Variants in BCL2L13 observed in about 807,000 individuals in gnomAD.
The protein encoded by BCL2L13 is BCL2 like 13, also known as bcl-2-like protein 13.
A neutral mutation model predicts 25.8 loss-of-function variants in BCL2L13; 13 were observed. The ratio of observed to expected loss-of-function variants is 0.50; its 90% confidence interval spans 0.33 to 0.80. BCL2L13 has a LOEUF of 0.80. Ranked by LOEUF, BCL2L13 falls within the 30% of genes least tolerant of loss-of-function variation. The pLI is 0.02. For synonymous variants in BCL2L13, 244 were observed against 230.3 expected, an observed-to-expected ratio of 1.06 and a Z score of -0.54; for missense variants, 504 against 574.9, an observed-to-expected ratio of 0.88 and a Z score of 1.26.
At position 17,702,323 on chromosome 22, in the gene BCL2L13, G is replaced by A. The variant is rs1364976221; in HGVS notation, c.537G>A (p.Leu179=). 6.2e-7 allele frequency: 1 copy of A among 1,612,578 alleles called. No homozygotes were observed. Among genetic ancestry groups the A allele is most frequent in the East Asian group, 2.2e-5 (1 of 44,768 alleles). The change falls in exon 6 of 7, where the codon CTG becomes CTA. Residue 179 remains leucine, a synonymous_variant. Transcript: ENST00000317582. ...GTCAAGAACCTTTGAGCGCACTGCT[G>A]CAGTTTGGCGTGACATACCTGGAGG... The part of the protein sequence containing the change: ...RRGQEPLSAL[L]QFGVTYLEDY...
chr22:17,669,142 C>T (rs1431123996), intron 2 of BCL2L13, among the ~76,000 whole-genome samples: 1 of 150,206 alleles, frequency 6.7e-6, no homozygotes, highest in Non-Finnish European at 1.5e-5. Context: ...ACGCCTTTCT[C>T]CTGCCTCAGC....
At chr22:17,702,002 CACAT>C (rs907059520) in intron 5 of BCL2L13, among the ~76,000 whole-genome samples, 7 of 151,594 alleles carry the variant, frequency 4.6e-5, no homozygotes, top group African/African-American at 1.5e-4. Flanking sequence ...TTCTGTCACA[CACAT>C]ACATGCACAC....
rs772327798 is a variant in BCL2L13 at position 17,727,017 on chromosome 22, A to C, written c.941A>C (p.Glu314Ala). 1.2e-6 allele frequency: 2 copies of C among 1,614,122 alleles called. No individual in the cohort carries two copies. Among genetic ancestry groups the C allele is most frequent in the African/African-American group, 2.7e-5 (2 of 74,956 alleles). ...GACATTGTGCACGTGGAGAAAGAAGAGGTGCCCGAGGGCATGGAAGAGGCT... is the reference window on the plus strand; with the variant it reads ...GACATTGTGCACGTGGAGAAAGAAGCGGTGCCCGAGGGCATGGAAGAGGCT... ...NSDIVHVEKE[E>A]VPEGMEEAAV... The change falls in exon 7 of 7, where the codon GAG becomes GCG. Residue 314 changes from glutamate to alanine, a missense_variant. By Grantham distance (107) the Glu-to-Ala change is moderately radical. Transcript: ENST00000317582.
intron 6 of BCL2L13, among the ~76,000 whole-genome samples, chr22:17,722,376 GGGGTGTGTGTGT>G (rs1202859702): frequency 1.9e-4 from 13 of 67,924 alleles, no homozygotes; most frequent in Admixed American, 8.8e-4. Flanking sequence ...TGAGACTACA[GGGGTGTGTGTGT>G]GTGTGTGTGT....
In BCL2L13 at chr22:17,660,668, G is replaced by A. The variant is rs377546049; in HGVS notation, c.121+4836G>A. Among the ~76,000 whole-genome samples, 131 of 145,706 alleles carry A rather than the reference G, an allele frequency of 9.0e-4. 9 individuals carry two copies. The highest frequency in any genetic ancestry group is 2.9e-3 in the African/African-American group (118 of 41,108). On this transcript the variant is annotated intron_variant, in intron 2 of 6. Coordinates refer to ENST00000317582, the MANE Select transcript of BCL2L13 (RefSeq NM_015367.4). ...TTGAACTCCGGACCTCAAGTGATCCGCTCACCTTGGCCTCCCAAAGTGTTG... is the reference window on the plus strand; with the variant it reads ...TTGAACTCCGGACCTCAAGTGATCCACTCACCTTGGCCTCCCAAAGTGTTG...
chr22:17,668,450 G>A (rs1306200324), intron 2 of BCL2L13, among the ~76,000 whole-genome samples: 2 of 150,192 alleles, frequency 1.3e-5, no homozygotes, highest in Admixed American at 6.6e-5. Context: ...TCTTTGATCT[G>A]TGTTTTTTTT....
chr22:17,691,463 A>C (rs1018694198), intron 4 of BCL2L13, among the ~76,000 whole-genome samples: 1 of 152,076 alleles, frequency 6.6e-6, no homozygotes, highest in South Asian at 2.1e-4. Context: ...TGGCTAACAC[A>C]GTGAAACCCC....
intron 1 of BCL2L13, among the ~76,000 whole-genome samples, chr22:17,643,862 C>T (rs2058378118): frequency 1.3e-5 from 2 of 151,822 alleles, no homozygotes; most frequent in African/African-American, 2.4e-5. Flanking sequence ...ATCCGCCCTC[C>T]TTGGCTTCCC....
intron 6 of BCL2L13, among the ~76,000 whole-genome samples, chr22:17,716,746 A>G (rs1401886957): frequency 6.6e-6 from 1 of 152,154 alleles, no homozygotes; most frequent in Non-Finnish European, 1.5e-5. Context: ...ATGTAGAACT[A>G]CTTTATTTTG....
In BCL2L13 at chr22:17,719,827, C is replaced by CAAA. The variant is rs60474373; in HGVS notation, c.601-6829_601-6827dup. On this transcript the variant is annotated intron_variant, in intron 6 of 6. Transcript: ENST00000317582. ...CTGGCGAAAGAGTGAGACTCCATCT[C>CAAA]AAAAAAAAAAAAAAAAAAAAAAAGA... 4.1e-3 allele frequency among the ~76,000 whole-genome samples: 371 copies of CAAA among 90,810 alleles called. 3 individuals carry two copies. Among genetic ancestry groups the CAAA allele is most frequent in the South Asian group, 6.5e-3 (11 of 1,702 alleles). The allele number at this position is 90,810 out of a possible 152,430, so 59.6% of individuals were successfully genotyped here. A position where few individuals can be genotyped will look rare whatever the true frequency, so the allele number is the denominator to read the frequency against.
intron 1 of BCL2L13, among the ~76,000 whole-genome samples, chr22:17,649,101 AT>A (rs1003063155): frequency 3.7e-3 from 527 of 141,980 alleles, no homozygotes; most frequent in Non-Finnish European, 3.5e-3. Context: ...GCCCGGCTCA[AT>A]TTTTTTTTTT....
intron 6 of BCL2L13, among the ~76,000 whole-genome samples, chr22:17,717,342 T>C (rs1418968399): frequency 7.8e-6 from 1 of 127,804 alleles, no homozygotes; most frequent in Admixed American, 7.5e-5. Flanking sequence ...CCAGGTGTGG[T>C]GGCAGGCAGC....
Position 17,644,944 on chromosome 22 carries a change from G to A in BCL2L13, c.-51+6058G>A, listed in dbSNP as rs544672535. Among the ~76,000 whole-genome samples, 327 of 150,570 alleles carry A rather than the reference G, an allele frequency of 2.2e-3. 15 individuals are homozygous for A. The highest frequency in any genetic ancestry group is 7.7e-3 in the African/African-American group (309 of 40,330). ...CCCACCTCAGCCTCCTGAGTAGCTG[G>A]GATTATAGGCACACGCCACCATGCC... On this transcript the variant is annotated intron_variant, in intron 1 of 6. Coordinates refer to ENST00000317582, the MANE Select transcript of BCL2L13 (RefSeq NM_015367.4).
At chr22:17,715,360 T>C (rs989452050) in intron 6 of BCL2L13, among the ~76,000 whole-genome samples, 51 of 149,924 alleles carry the variant, frequency 3.4e-4, no homozygotes, top group Non-Finnish European at 7.0e-4. Flanking sequence ...TTTGGTATTT[T>C]TTGTAGAGAT....
chr22:17,652,599 T>C (rs2058723908), intron 1 of BCL2L13, among the ~76,000 whole-genome samples: 3 of 152,062 alleles, frequency 2.0e-5, no homozygotes, highest in Admixed American at 2.0e-4. Context: ...TCACCATGAC[T>C]GGCTAATTTT....
intron 6 of BCL2L13, among the ~76,000 whole-genome samples, chr22:17,726,350 T>TAAAAAAAAAA: frequency 7.3e-6 from 1 of 137,094 alleles, no homozygotes; most frequent in Non-Finnish European, 1.6e-5. Flanking sequence ...GACTCCATCT[T>TAAAAAAAAAA]AAAAAAAAAA....
rs2061219521 is a variant in BCL2L13, at chr22:17,723,874, AGT to A, written c.601-2801_601-2800del. On this transcript the variant is annotated intron_variant, in intron 6 of 6. Coordinates refer to ENST00000317582, the MANE Select transcript of BCL2L13 (RefSeq NM_015367.4). ...CTTGAACCTGGGAGACGGAGGTTGC[AGT>A]GAGCCAAGATTGCACCACTGCACTC... is the stretch of plus-strand genomic sequence containing the variant. Among the ~76,000 whole-genome samples the A allele has an allele frequency of 2.0e-5, 3 of 151,638 alleles. No individual in the cohort carries two copies. The South Asian group carries it at 6.3e-4, about 32-fold the overall frequency.
intron 5 of BCL2L13, among the ~76,000 whole-genome samples, chr22:17,699,767 T>A (rs1010532219): frequency 4.0e-5 from 6 of 151,564 alleles, no homozygotes; most frequent in Non-Finnish European, 7.4e-5. Context: ...GAGATGAGAG[T>A]CCAAAAAAAA....
intron 6 of BCL2L13, among the ~76,000 whole-genome samples, chr22:17,704,446 T>A (rs2060530403): frequency 6.6e-6 from 1 of 152,078 alleles, no homozygotes; most frequent in African/African-American, 2.4e-5. Context: ...TATTTCACAT[T>A]GTTCGGTCTA....
Sources: gnomAD v4.1 joint callset for allele counts (sites outside exome capture counted in the v4.1 genomes callset) on GRCh38, gnomAD v4.1.1 for gene constraint, MANE v1.5 for transcripts, NCBI Gene and HGNC (gene_info 2026-07-23, HGNC 2026-07-21) for gene names.